MARCHF3: variants seen among roughly 807,000 people sequenced by gnomAD.
The protein encoded by MARCHF3 is E3 ubiquitin-protein ligase MARCHF3.
Under a neutral mutation model 24.2 loss-of-function variants are expected in MARCHF3, and 13 were observed. That is an observed-to-expected ratio of 0.54 (90% CI 0.35 to 0.85). The LOEUF (loss-of-function observed/expected upper bound fraction) is 0.85, where lower values mean the gene tolerates loss of function less well. Ranked by LOEUF, MARCHF3 falls within the 40% of genes least tolerant of loss-of-function variation. MARCHF3 has a pLI of 0.01. For missense variants in MARCHF3, 276 were observed against 325.0 expected, an observed-to-expected ratio of 0.85 and a Z score of 1.16; for synonymous variants, 144 against 137.3, an observed-to-expected ratio of 1.05 and a Z score of -0.34.
rs1218680707 is a variant in MARCHF3 at position 126,878,260 on chromosome 5, A to G, written c.528T>C (p.Phe176=). The G allele has an allele frequency of 6.2e-7, 1 of 1,614,256 alleles. No individual in the cohort carries two copies. Among genetic ancestry groups the G allele is most frequent in the Non-Finnish European group, 8.5e-7 (1 of 1,180,038 alleles). ...GTCCGACGGCTTCCAGCCGACTACTAAAGTGCAGGTGGTCCACGGCGCCCC... is the reference window on the plus strand; with the variant it reads ...GTCCGACGGCTTCCAGCCGACTACTGAAGTGCAGGTGGTCCACGGCGCCCC... The part of the protein sequence containing the change: ...CLRGAVDHLH[F]SSRLEAVGLI... Residue 176 remains phenylalanine, a synonymous_variant, in exon 4 of 5, where the codon TTT becomes TTC. Coordinates refer to ENST00000308660, the MANE Select transcript of MARCHF3 (RefSeq NM_178450.5).
At chr5:126,915,262 T>C (rs1323327919) in intron 2 of MARCHF3, 128 bp from the exon 3 acceptor site, 1 of 849,220 alleles carries the variant, frequency 1.2e-6, no homozygotes, top group Non-Finnish European at 1.8e-6. Flanking sequence ...AGATCTACAC[T>C]TGACCTTGGC....
chr5:126,877,829 C>A (rs984812364), intron 4 of MARCHF3, among the ~76,000 whole-genome samples: 1 of 152,146 alleles, frequency 6.6e-6, no homozygotes, highest in African/African-American at 2.4e-5. Flanking sequence ...ATACTACAAT[C>A]CCGGCAAAAA....
intron 1 of MARCHF3, among the ~76,000 whole-genome samples, chr5:126,978,886 TAC>T (rs1245940577): frequency 1.3e-5 from 2 of 152,220 alleles, no homozygotes; most frequent in East Asian, 3.8e-4. Context: ...AACTATTGTG[TAC>T]ATACATTTTC....
At chr5:126,945,328 A>G (rs146147965) in intron 1 of MARCHF3, among the ~76,000 whole-genome samples, 24 of 152,356 alleles carry the variant, frequency 1.6e-4, no homozygotes, top group African/African-American at 5.5e-4. Flanking sequence ...GAAGCAAAAT[A>G]CAATTTGTCA....
intron 1 of MARCHF3, among the ~76,000 whole-genome samples, chr5:127,001,289 T>C (rs1021424164): frequency 5.3e-5 from 8 of 152,122 alleles, no homozygotes; most frequent in Non-Finnish European, 8.8e-5. Flanking sequence ...CCAATGCCAT[T>C]TGACAAAGAA....
intron 3 of MARCHF3, among the ~76,000 whole-genome samples, chr5:126,887,351 G>A (rs1006353690): frequency 6.6e-6 from 1 of 152,146 alleles, no homozygotes; most frequent in African/African-American, 2.4e-5. Flanking sequence ...CAGTACCTGC[G>A]ACTTTGTCAC....
chr5:126,907,722 G>T (rs1311054048), intron 3 of MARCHF3, among the ~76,000 whole-genome samples: 36 of 145,824 alleles, frequency 2.5e-4, no homozygotes, highest in African/African-American at 9.2e-4. Context: ...GTCTCTGCAC[G>T]TGAGATGGGT....
chr5:126,936,839 C>G (rs183462612), intron 1 of MARCHF3, among the ~76,000 whole-genome samples: 1 of 152,132 alleles, frequency 6.6e-6, no homozygotes, highest in Non-Finnish European at 1.5e-5. Flanking sequence ...TTCCTTTATT[C>G]CGTAGGTGCA....
chr5:126,974,142 C>T (rs1751115126), intron 1 of MARCHF3, among the ~76,000 whole-genome samples: 1 of 152,112 alleles, frequency 6.6e-6, no homozygotes, highest in East Asian at 1.9e-4. Flanking sequence ...CATGATCCAC[C>T]CGCCTCAGCC....
intron 1 of MARCHF3, among the ~76,000 whole-genome samples, chr5:127,015,771 G>C (rs1752619734): frequency 6.6e-6 from 1 of 152,176 alleles, no homozygotes; most frequent in African/African-American, 2.4e-5. Context: ...TGCAGTTACA[G>C]TTACCCTTGG....
intron 1 of MARCHF3, among the ~76,000 whole-genome samples, chr5:126,977,769 TG>T (rs766956914): frequency 6.6e-6 from 1 of 152,220 alleles, no homozygotes; most frequent in Non-Finnish European, 1.5e-5. Flanking sequence ...CACAGCATGT[TG>T]CATGTATACA....
chr5:126,986,786 T>C (rs1247831200), intron 1 of MARCHF3, among the ~76,000 whole-genome samples: 23 of 152,198 alleles, frequency 1.5e-4, no homozygotes, highest in Admixed American at 1.5e-3. Context: ...AAAAACTGGG[T>C]TCTCTTTAAC....
intron 1 of MARCHF3, among the ~76,000 whole-genome samples, chr5:126,947,891 G>T (rs1376502523): frequency 1.3e-5 from 2 of 152,014 alleles, no homozygotes; most frequent in Non-Finnish European, 2.9e-5. Context: ...GAGGGGTGGG[G>T]GGGCAGCAGT....
At chr5:126,913,298 A>G (rs1754603501) in intron 3 of MARCHF3, among the ~76,000 whole-genome samples, 1 of 152,248 alleles carries the variant, frequency 6.6e-6, no homozygotes, top group African/African-American at 2.4e-5. Flanking sequence ...TCAAAGCAGG[A>G]CTTCCTCACT....
In MARCHF3 at chr5:127,023,394, T is replaced by A. The variant is rs145042442; in HGVS notation, c.-57+6956A>T. The stretch of plus-strand genomic sequence containing the variant: ...TCAAGGGTCAACTGTATTATAAAAA[T>A]TAGTTTATAAAATAAAAAATTGCTG... On this transcript the variant is annotated intron_variant, in intron 1 of 4. Coordinates refer to ENST00000308660, the MANE Select transcript of MARCHF3 (RefSeq NM_178450.5). Among the ~76,000 whole-genome samples, 27 of 152,232 alleles carry A rather than the reference T, an allele frequency of 1.8e-4. No homozygotes were observed. The East Asian group carries it at 5.0e-3, about 28-fold the overall frequency.
chr5:126,895,897 G>A (rs1482421411), intron 3 of MARCHF3, among the ~76,000 whole-genome samples: 1 of 152,130 alleles, frequency 6.6e-6, no homozygotes, highest in Non-Finnish European at 1.5e-5. Flanking sequence ...AGTGGCGGGC[G>A]CCCCTCCCCC....
chr5:126,921,360 T>A (rs893783383), intron 1 of MARCHF3, among the ~76,000 whole-genome samples: 2 of 134,664 alleles, frequency 1.5e-5, no homozygotes, highest in South Asian at 2.7e-4. Flanking sequence ...GGAAGCACAC[T>A]CTGCCCTGAT....
intron 3 of MARCHF3, among the ~76,000 whole-genome samples, chr5:126,885,364 T>G (rs946448820): frequency 6.6e-6 from 1 of 152,030 alleles, no homozygotes; most frequent in Non-Finnish European, 1.5e-5. Context: ...GGGCAGGAGT[T>G]TGAGACCAGC....
chr5:126,969,990 A>G (rs1750945654), intron 1 of MARCHF3, among the ~76,000 whole-genome samples: 1 of 152,218 alleles, frequency 6.6e-6, no homozygotes, highest in South Asian at 2.1e-4. Context: ...GAAATTCAAG[A>G]GGCTGTAAGT....
Sources: allele counts gnomAD v4.1 joint callset (sites outside exome capture counted in the v4.1 genomes callset), GRCh38; gene constraint gnomAD v4.1.1; transcripts MANE v1.5; gene names NCBI Gene and HGNC (gene_info 2026-07-23, HGNC 2026-07-21).